Variants in MYO16 observed in about 807,000 individuals in gnomAD.
MYO16 encodes myosin XVI, also known as unconventional myosin-XVI.
Under a neutral mutation model 205.3 loss-of-function variants are expected in MYO16, and 94 were observed. The ratio of observed to expected loss-of-function variants is 0.46; its 90% CI spans 0.39 to 0.54. The LOEUF (loss-of-function observed/expected upper bound fraction) is 0.54, where lower values mean the gene tolerates loss of function less well. MYO16 is among the 20% of genes least tolerant of loss of function. The pLI, the probability that MYO16 is intolerant of heterozygous loss-of-function variation, is 0.00. For synonymous variants in MYO16, 988 were observed against 954.0 expected (o/e 1.04, Z -0.66); for missense variants, 2,315 against 2,387.5 (o/e 0.97, Z 0.63).
chr13:109,083,307 T>A (rs956652815), intron 27 of MYO16, among the ~76,000 whole-genome samples: 8 of 136,448 alleles, frequency 5.9e-5, no homozygotes, highest in Non-Finnish European at 9.1e-5. Context: ...CACTTGAACC[T>A]GGGAGGCAGA....
chr13:108,661,896 C>A (rs888440465), intron 1 of MYO16, among the ~76,000 whole-genome samples: 4 of 152,046 alleles, frequency 2.6e-5, no homozygotes, highest in African/African-American at 9.7e-5. Context: ...TTTTCTGGTT[C>A]CTTCTCATTT....
At chr13:108,844,307 A>G (rs746876683) in intron 9 of MYO16, 36 bp from the exon 10 acceptor site, 2 of 1,568,922 alleles carry the variant, frequency 1.3e-6, no homozygotes, top group Middle Eastern at 1.7e-4. Flanking sequence ...AACATTAGAA[A>G]GAGACTAATT....
At chr13:108,648,480 G>A (rs9587646) in intron 1 of MYO16, among the ~76,000 whole-genome samples, 1 of 152,030 alleles carries the variant, frequency 6.6e-6, no homozygotes, top group African/African-American at 2.4e-5. Flanking sequence ...ACTGACTGAA[G>A]GGAATTGTTG....
chr13:108,887,898 A>G (rs1879976872), intron 13 of MYO16, among the ~76,000 whole-genome samples: 1 of 152,086 alleles, frequency 6.6e-6, no homozygotes, highest in Non-Finnish European at 1.5e-5. Flanking sequence ...ATGAAGCATG[A>G]ACAGTTTTCC....
intron 27 of MYO16, among the ~76,000 whole-genome samples, chr13:109,056,854 TTAAAA>T (rs1236832574): frequency 2.6e-5 from 4 of 152,140 alleles, no homozygotes; most frequent in Admixed American, 2.6e-4. Flanking sequence ...AAATGAGATC[TTAAAA>T]TAATACTGAT....
At position 109,172,840 on chromosome 13, in the gene MYO16, G is replaced by A. The variant is rs2139896902; in HGVS notation, c.5324-6702G>A. Among the ~76,000 whole-genome samples, 3 of 152,190 alleles carry A rather than the reference G, an allele frequency of 2.0e-5. No individual in the cohort carries two copies. In the Middle Eastern group the frequency reaches 0.01, roughly 521 times the overall value. On this transcript the variant is annotated intron_variant, in intron 33 of 34. Transcript: ENST00000457511. ...CAATTACATGAATGAGGTAGATGGA[G>A]GTGCAAGGCAGTGAATTCGTTTCTC...
chr13:108,559,076 C>A, the MYO16 span, among the ~76,000 whole-genome samples: 1 of 151,934 alleles, frequency 6.6e-6, no homozygotes, highest in African/African-American at 2.4e-5. Context: ...AAGTCCTAAC[C>A]GCTGTACCTG....
chr13:108,972,249 C>CTCTCTCTCTCTCTA (rs1178345437), intron 20 of MYO16, among the ~76,000 whole-genome samples: 3 of 2,850 alleles, frequency 1.1e-3, no homozygotes, highest in Non-Finnish European at 1.2e-3. Flanking sequence ...CTCTCTCTCT[C>CTCTCTCTCTCTCTA]TATATATATA....
chr13:109,200,033 G>A (rs940885186), intron 34 of MYO16, among the ~76,000 whole-genome samples: 13 of 152,128 alleles, frequency 8.5e-5, no homozygotes, highest in African/African-American at 3.1e-4. Context: ...AGTAATTCTT[G>A]TGTTTCAGAA....
At chr13:109,170,934 C>T (rs952483642) in intron 33 of MYO16, among the ~76,000 whole-genome samples, 2 of 152,160 alleles carry the variant, frequency 1.3e-5, no homozygotes, top group African/African-American at 4.8e-5. Flanking sequence ...TCTATGCTGT[C>T]ATTAAGTAAA....
At chr13:108,577,591 C>T in the MYO16 span, among the ~76,000 whole-genome samples, 2 of 152,178 alleles carry the variant, frequency 1.3e-5, no homozygotes, top group Non-Finnish European at 2.9e-5. Flanking sequence ...TCCCATTCTT[C>T]CTGGAATGCT....
At chr13:108,896,743 C>T (rs893309988) in intron 14 of MYO16, among the ~76,000 whole-genome samples, 1 of 151,930 alleles carries the variant, frequency 6.6e-6, no homozygotes, top group Non-Finnish European at 1.5e-5. Flanking sequence ...CCGAGGTGGG[C>T]GGATCACCTG....
intron 29 of MYO16, among the ~76,000 whole-genome samples, chr13:109,124,427 T>C (rs540357827): frequency 1.4e-4 from 22 of 152,328 alleles, no homozygotes; most frequent in Admixed American, 1.2e-3. Flanking sequence ...TATTTTGTCA[T>C]TGAGTTTCAG....
intron 14 of MYO16, among the ~76,000 whole-genome samples, chr13:108,892,014 T>C (rs952760676): frequency 6.6e-6 from 1 of 152,164 alleles, no homozygotes; most frequent in Admixed American, 6.5e-5. Flanking sequence ...ATTAATAAAT[T>C]AGTATTATTT....
chr13:108,536,969 CTCTT>C, the MYO16 span, among the ~76,000 whole-genome samples: 2 of 152,050 alleles, frequency 1.3e-5, no homozygotes, highest in Non-Finnish European at 2.9e-5. Context: ...AAGTATTATG[CTCTT>C]TCTTTATTTT....
At chr13:108,652,598 T>G (rs1200581532) in intron 1 of MYO16, among the ~76,000 whole-genome samples, 1 of 152,198 alleles carries the variant, frequency 6.6e-6, no homozygotes, top group African/African-American at 2.4e-5. Flanking sequence ...TCATTCTACT[T>G]TCTGCTTCTG....
intron 2 of MYO16, among the ~76,000 whole-genome samples, chr13:108,685,811 G>A (rs1220039395): frequency 6.6e-6 from 1 of 152,204 alleles, no homozygotes; most frequent in Non-Finnish European, 1.5e-5. Context: ...CTTACAGGCA[G>A]TGGTCTTCTC....
intron 28 of MYO16, among the ~76,000 whole-genome samples, chr13:109,105,726 ATTT>A (rs1889105765): frequency 6.6e-6 from 1 of 152,198 alleles, no homozygotes; most frequent in Admixed American, 6.5e-5. Context: ...GCACCAAAAC[ATTT>A]TTGTGTTCCA....
At chr13:108,639,951 G>A (rs1880427470) in intron 1 of MYO16, among the ~76,000 whole-genome samples, 1 of 152,220 alleles carries the variant, frequency 6.6e-6, no homozygotes. Flanking sequence ...GTGTTACTAA[G>A]TTTCAGATGG....
Sources: allele counts gnomAD v4.1 joint callset (sites outside exome capture counted in the v4.1 genomes callset), GRCh38; gene constraint gnomAD v4.1.1; transcripts MANE v1.5; gene names NCBI Gene and HGNC (gene_info 2026-07-23, HGNC 2026-07-21).